The following ANKFY1 variants were observed in gnomAD, a reference collection of about 807,000 sequenced individuals.
ANKFY1 encodes the protein ankyrin repeat and FYVE domain-containing protein 1.
In ANKFY1, 47 loss-of-function variants were observed where a neutral mutation model predicts 128.3. The ratio of observed to expected loss-of-function variants is 0.37; its 90% CI spans 0.29 to 0.47. ANKFY1 has a LOEUF of 0.47. Ranked by LOEUF, ANKFY1 falls within the 20% of genes least tolerant of loss-of-function variation. The pLI is 1.00. For missense variants in ANKFY1, 1,222 were observed against 1,510.6 expected (o/e 0.81, Z 3.17); for synonymous variants, 553 against 601.6 (o/e 0.92, Z 1.18).
At chr17:4,231,632 C>G (rs2060513557) in intron 3 of ANKFY1, among the ~76,000 whole-genome samples, 1 of 152,024 alleles carries the variant, frequency 6.6e-6, no homozygotes, top group Non-Finnish European at 1.5e-5. Context: ...TGTATTTCAT[C>G]AACATATGCT....
rs767517792 is a variant in ANKFY1, at chr17:4,197,324, T to C, written c.1103+49A>G. On this transcript the variant is annotated intron_variant, in intron 8 of 24. Coordinates refer to ENST00000341657, the MANE Select transcript of ANKFY1 (RefSeq NM_001330063.2). ...ATGCCAATTACATGCTACTGTAAGA[T>C]ATCTTCTGAGAACAGTGCTAAGGGC... The C allele has an allele frequency of 1.9e-6, 3 of 1,587,678 alleles. No individual in the cohort carries two copies. The South Asian group carries it at 3.3e-5, about 18-fold the overall frequency.
intron 1 of ANKFY1, chr17:4,263,476 C>T (rs964230630): frequency 7.6e-5 from 60 of 792,796 alleles, no homozygotes; most frequent in East Asian, 1.7e-4. Context: ...CCACCCCACC[C>T]CACCTCACCC....
At chr17:4,190,693 GT>G (rs200131003) in intron 10 of ANKFY1, among the ~76,000 whole-genome samples, 20 of 151,634 alleles carry the variant, frequency 1.3e-4, no homozygotes, top group African/African-American at 3.9e-4. Context: ...AAAAAAATGA[GT>G]TTTTTTTTCT....
At chr17:4,234,340 T>C (rs2060566595) in intron 3 of ANKFY1, among the ~76,000 whole-genome samples, 1 of 152,178 alleles carries the variant, frequency 6.6e-6, no homozygotes, top group South Asian at 2.1e-4. Flanking sequence ...TGCCCCTTTT[T>C]TTCCAATAGC....
chr17:4,230,089 C>T (rs1233317937), intron 3 of ANKFY1, among the ~76,000 whole-genome samples: 6 of 152,204 alleles, frequency 3.9e-5, no homozygotes, highest in Non-Finnish European at 7.3e-5. Context: ...GTAGTTCACA[C>T]AGTAGCCAAC....
intron 7 of ANKFY1, among the ~76,000 whole-genome samples, chr17:4,203,950 G>C (rs1057351894): frequency 6.6e-6 from 1 of 151,816 alleles, no homozygotes; most frequent in Non-Finnish European, 1.5e-5. Context: ...TTCTTGCTCA[G>C]ATCAGGCTAA....
chr17:4,183,968 A>G, intron 12 of ANKFY1, 58 bp from the exon 13 acceptor site: 1 of 1,458,176 alleles, frequency 6.9e-7, no homozygotes. Flanking sequence ...ATCACACTTA[A>G]AGCTTCAGTA....
chr17:4,221,452 T>C (rs947334053), intron 3 of ANKFY1, among the ~76,000 whole-genome samples: 1 of 152,210 alleles, frequency 6.6e-6, no homozygotes, highest in Non-Finnish European at 1.5e-5. Context: ...CCTTAAGCAA[T>C]TCTCCTGCCT....
At chr17:4,243,970 G>A (rs1163492851) in intron 1 of ANKFY1, among the ~76,000 whole-genome samples, 2 of 148,116 alleles carry the variant, frequency 1.4e-5, no homozygotes, top group African/African-American at 2.5e-5. Flanking sequence ...TCACTCTGTC[G>A]CCTGGGCTAG....
At chr17:4,243,361 C>A (rs1404213458) in intron 1 of ANKFY1, among the ~76,000 whole-genome samples, 2 of 151,264 alleles carry the variant, frequency 1.3e-5, no homozygotes, top group East Asian at 3.9e-4. Flanking sequence ...CTACCGCGCC[C>A]AGCCTCTTTT....
At position 4,181,795 on chromosome 17, in the gene ANKFY1, T is replaced by A. The variant is rs2143004148; in HGVS notation, c.2121+386A>T. Reference sequence around the variant, plus strand: ...TCACACTGCAGGCCCTTCGGAGAGCTGAATGAGAATGTGCAGGTTTGCCTC... The same window carrying A: ...TCACACTGCAGGCCCTTCGGAGAGCAGAATGAGAATGTGCAGGTTTGCCTC... On this transcript the variant is annotated intron_variant, in intron 15 of 24. Transcript: ENST00000341657. The surrounding 1 kb of genome is among the most constrained non-coding windows in gnomAD (Gnocchi z 4.9). 6.6e-6 allele frequency among the ~76,000 whole-genome samples: 1 copy of A among 152,256 alleles called. No homozygotes were observed. Among genetic ancestry groups the A allele is most frequent in the South Asian group, 2.1e-4 (1 of 4,820 alleles).
intron 1 of ANKFY1, among the ~76,000 whole-genome samples, chr17:4,256,353 G>A (rs973662083): frequency 2.6e-5 from 4 of 152,162 alleles, no homozygotes; most frequent in Non-Finnish European, 4.4e-5. Flanking sequence ...GCGTGAACCC[G>A]GGAGGTGGAG....
chr17:4,168,949 G>C, intron 24 of ANKFY1: 1 of 497,212 alleles, frequency 2.0e-6, no homozygotes, highest in South Asian at 2.6e-5. Flanking sequence ...AGGCCTGGCA[G>C]GCTGCCTGGA....
Position 4,163,834 on chromosome 17 carries a change from G to GCT in ANKFY1, c.*3944_*3945insAG, listed in dbSNP as rs1332975777. 6.6e-6 allele frequency: 1 copy of GCT among 152,562 alleles called. No individual in the cohort carries two copies. The highest frequency in any genetic ancestry group is 1.5e-5 in the Non-Finnish European group (1 of 68,020). 9.5% of individuals were successfully genotyped at this position (152,562 alleles called of 1,614,324 possible). On this transcript the variant is annotated 3_prime_UTR_variant, in exon 25 of 25. Coordinates refer to ENST00000341657, the MANE Select transcript of ANKFY1 (RefSeq NM_001330063.2). ...TCACGTCAGGAGTTTTCTAAAATTT[G>GCT]TTTTTAATGCTTATTGGTACTTCTG...
rs1567947818 is a variant in ANKFY1 at position 4,211,044 on chromosome 17, A to AAC, written c.459-1098_459-1097insGT. ...GAGACTCCATCAACAACAACAACAA[A>AAC]AAAAATAAAAAGAAAAAAAGAAAAA... On this transcript the variant is annotated intron_variant, in intron 4 of 24. Transcript: ENST00000341657. 8.5e-4 allele frequency among the ~76,000 whole-genome samples: 130 copies of AAC among 152,048 alleles called. 1 individual carries two copies. Among genetic ancestry groups the AAC allele is most frequent in the African/African-American group, 3.0e-3 (125 of 41,462 alleles).
intron 11 of ANKFY1, among the ~76,000 whole-genome samples, chr17:4,189,146 G>T (rs1277759547): frequency 6.6e-6 from 1 of 152,168 alleles, no homozygotes; most frequent in African/African-American, 2.4e-5. Flanking sequence ...CTGATAACCT[G>T]AACAAGCACT....
Position 4,252,962 on chromosome 17 carries a change from A to G in ANKFY1, c.11-10514T>C, listed in dbSNP as rs558987205. 3.3e-5 allele frequency among the ~76,000 whole-genome samples: 5 copies of G among 152,290 alleles called. No homozygotes were observed. In the East Asian group the frequency reaches 7.7e-4, roughly 24 times the overall value. On this transcript the variant is annotated intron_variant, in intron 1 of 24. Transcript: ENST00000341657. ...AAAAGACTACATACTGTATGACCCC[A>G]TATGAAAGTGTAGTTTCATAGTAGG...
chr17:4,232,061 TG>T (rs1165578611), intron 3 of ANKFY1, among the ~76,000 whole-genome samples: 4 of 152,034 alleles, frequency 2.6e-5, no homozygotes, highest in African/African-American at 9.7e-5. Flanking sequence ...TTGTACACTT[TG>T]TATCCCTAAC....
Position 4,172,609 on chromosome 17 carries a change from A to C in ANKFY1, c.3086T>G (p.Leu1029Arg), listed in dbSNP as rs1255713273. 1 of 1,614,120 alleles carries C rather than the reference A, an allele frequency of 6.2e-7. No homozygotes were observed. Among genetic ancestry groups the C allele is most frequent in the East Asian group, 2.2e-5 (1 of 44,882 alleles). The change falls in exon 22 of 25, where the codon CTA (leucine) becomes CGA (arginine). Residue 1029 changes from leucine to arginine, a missense_variant. By Grantham distance (102) the Leu-to-Arg change is moderately radical (BLOSUM62 -2). Coordinates refer to ENST00000341657, the MANE Select transcript of ANKFY1 (RefSeq NM_001330063.2). ...ENAAAIFDLF[L>R]ECMPGYPLDK... is the part of the protein sequence containing the mutation. ...CAGAGGATACCCCGGCATGCATTCT[A>C]GGAAGAGATCAAAGATGGCCGCTGC...
Sources: gnomAD v4.1 joint callset for allele counts (sites outside exome capture counted in the v4.1 genomes callset) on GRCh38, gnomAD v4.1.1 for gene constraint, Gnocchi (gnomAD v3.1) non-coding constraint, MANE v1.5 for transcripts, NCBI Gene and HGNC (gene_info 2026-07-23, HGNC 2026-07-21) for gene names.